MON2: variants seen among roughly 807,000 people sequenced by gnomAD.
MON2 encodes the protein MON2 regulator of endosome-to-Golgi trafficking, also known as protein MON2 homolog.
In MON2, 84 loss-of-function variants were observed where a neutral mutation model predicts 208.6. The ratio of observed to expected loss-of-function variants is 0.40; its 90% confidence interval spans 0.34 to 0.48. The LOEUF (loss-of-function observed/expected upper bound fraction) is 0.48, where lower values mean the gene tolerates loss of function less well. Among genes scored for constraint, MON2 ranks in the 20% least tolerant of loss-of-function variants. The probability of loss-of-function intolerance (pLI) is 0.59; values close to 1 mark genes in which losing one functional copy is unlikely to be tolerated. For missense variants in MON2, 1,611 were observed against 2,015.4 expected, an observed-to-expected ratio of 0.80 and a Z score of 3.84; for synonymous variants, 660 against 694.0, an observed-to-expected ratio of 0.95 and a Z score of 0.77.
intron 21 of MON2, chr12:62,545,678 A>G (rs1592356438): frequency 6.6e-6 from 1 of 152,256 alleles, no homozygotes; most frequent in East Asian, 1.9e-4. Flanking sequence ...TGAAGCAAGC[A>G]CAGAATGAGG....
intron 30 of MON2, among the ~76,000 whole-genome samples, chr12:62,573,264 A>G (rs548512799): frequency 1.8e-4 from 27 of 152,358 alleles, no homozygotes; most frequent in African/African-American, 6.0e-4. Context: ...CTTCGTAGAC[A>G]TAAGAGCCTG....
chr12:62,588,963 C>T (rs2075306821), intron 34 of MON2: 5 of 1,217,188 alleles, frequency 4.1e-6, no homozygotes, highest in Non-Finnish European at 5.6e-6. Context: ...TTTATGTGTA[C>T]TTGTCTCGAA....
chr12:62,560,367 A>G, intron 25 of MON2, 124 bp from the exon 26 acceptor site: 2 of 952,418 alleles, frequency 2.1e-6, no homozygotes, highest in Non-Finnish European at 1.6e-6. Flanking sequence ...ACCTAGTCAT[A>G]TATTTTCCAG....
intron 30 of MON2, among the ~76,000 whole-genome samples, chr12:62,576,809 C>T (rs1276912141): frequency 1.3e-5 from 2 of 151,696 alleles, no homozygotes; most frequent in African/African-American, 4.8e-5. Context: ...TCTCTTCCCT[C>T]ATCATATGAT....
Position 62,599,795 on chromosome 12 carries a change from C to A in MON2, c.*7046C>A, listed in dbSNP as rs1268562301. On this transcript the variant is annotated 3_prime_UTR_variant, in exon 35 of 35. Transcript: ENST00000393630. ...ACTTATAAAATAAACTAAAAATACTCTTGAGGCAATTACTATTTCTATGAT... is the reference window on the plus strand; with the variant it reads ...ACTTATAAAATAAACTAAAAATACTATTGAGGCAATTACTATTTCTATGAT... 1 of 152,096 alleles carries A rather than the reference C, an allele frequency of 6.6e-6. No individual in the cohort carries two copies. Among genetic ancestry groups the A allele is most frequent in the Non-Finnish European group, 1.5e-5 (1 of 68,002 alleles). 9.4% of individuals were successfully genotyped at this position (152,096 alleles called of 1,614,324 possible).
In MON2 at chr12:62,566,491, A is replaced by T. The variant is rs545962440; in HGVS notation, c.4323+41A>T. The T allele has an allele frequency of 1.6e-5, 25 of 1,549,496 alleles. No homozygotes were observed. The South Asian group carries it at 2.6e-4, about 16-fold the overall frequency. On this transcript the variant is annotated intron_variant, in intron 29 of 34. Coordinates refer to ENST00000393630, the MANE Select transcript of MON2 (RefSeq NM_015026.3). ...TTCTACACTTTCATTAGATGGTGTG[A>T]ACATTATTGAAATTATTCCTTAGGT...
In MON2 at chr12:62,493,962, T is replaced by C. The variant is rs1208204419; in HGVS notation, c.223T>C (p.Cys75Arg). 1 of 1,612,690 alleles carries C rather than the reference T, an allele frequency of 6.2e-7. No individual in the cohort carries two copies. Among genetic ancestry groups the C allele is most frequent in the African/African-American group, 1.3e-5 (1 of 75,022 alleles). The change falls in exon 3 of 35, where the codon TGT (cysteine) becomes CGT (arginine). Residue 75 changes from cysteine (C) to arginine (R), a missense_variant. Transcript: ENST00000393630. ...GGTTGTACAGCCTTTTTTAATGGGT[T>C]GTGGAACCAAGGAACCGAAGATCAC... Reference protein sequence around the residue: ...SEVVQPFLMGCGTKEPKITQL... With the variant: ...SEVVQPFLMGRGTKEPKITQL...
intron 8 of MON2, among the ~76,000 whole-genome samples, chr12:62,521,703 A>G (rs1257463213): frequency 6.6e-6 from 1 of 152,182 alleles, no homozygotes; most frequent in African/African-American, 2.4e-5. Flanking sequence ...CTCATTAGGT[A>G]TATTAGAATT....
chr12:62,496,456 T>C (rs1362995371), intron 4 of MON2, among the ~76,000 whole-genome samples: 2 of 152,190 alleles, frequency 1.3e-5, no homozygotes, highest in African/African-American at 2.4e-5. Flanking sequence ...AACTATGTAC[T>C]GTGTCTTTCC....
At chr12:62,490,820 A>G (rs528896564) in intron 2 of MON2, among the ~76,000 whole-genome samples, 1 of 152,302 alleles carries the variant, frequency 6.6e-6, no homozygotes, top group South Asian at 2.1e-4. Flanking sequence ...GAATTACATT[A>G]AAATAAATTT....
intron 8 of MON2, among the ~76,000 whole-genome samples, chr12:62,519,576 G>T (rs2071894593): frequency 6.6e-6 from 1 of 152,020 alleles, no homozygotes; most frequent in African/African-American, 2.4e-5. Context: ...ATGTTTTAAA[G>T]AAAAAATTAT....
intron 27 of MON2, 149 bp from the exon 28 acceptor site, chr12:62,565,865 C>A: frequency 1.5e-6 from 1 of 664,478 alleles, no homozygotes; most frequent in Non-Finnish European, 2.4e-6. Context: ...CAAATTTTAA[C>A]TTTGTTTAAG....
intron 4 of MON2, among the ~76,000 whole-genome samples, chr12:62,498,553 TTTTA>T (rs1384112723): frequency 1.4e-4 from 22 of 152,218 alleles, no homozygotes; most frequent in Non-Finnish European, 1.9e-4. Flanking sequence ...AGTTTCATAA[TTTTA>T]TTTATTTATG....
chr12:62,485,949 G>A (rs1313920502), intron 2 of MON2, among the ~76,000 whole-genome samples: 2 of 152,002 alleles, frequency 1.3e-5, no homozygotes, highest in Non-Finnish European at 2.9e-5. Context: ...GGGTTCTCCC[G>A]CCTCGGCCTC....
At chr12:62,529,123 G>A (rs191113352) in intron 11 of MON2, among the ~76,000 whole-genome samples, 159 of 152,126 alleles carry the variant, frequency 1.0e-3, no homozygotes, top group South Asian at 4.4e-3. Context: ...TTTCTGTTCC[G>A]GCGTTAGTTT....
chr12:62,521,211 G>A (rs1388937127), intron 8 of MON2, among the ~76,000 whole-genome samples: 1 of 152,024 alleles, frequency 6.6e-6, no homozygotes, highest in Admixed American at 6.6e-5. Context: ...GTTTCACTGT[G>A]TTGGCAAGGC....
At chr12:62,483,652 G>T (rs1311400776) in intron 1 of MON2, among the ~76,000 whole-genome samples, 1 of 152,176 alleles carries the variant, frequency 6.6e-6, no homozygotes, top group Non-Finnish European at 1.5e-5. Flanking sequence ...GGAGGCGGAG[G>T]TTGTAGTGAG....
rs537640622 is a variant in MON2, at chr12:62,561,758, G to A, written c.4032+645G>A. On this transcript the variant is annotated intron_variant, in intron 26 of 34. Transcript: ENST00000393630. Reference sequence around the variant, plus strand: ...TCAAAATGCTAAGCTTTAAAAAAATGCCAACTGAGTAGCCAGCCATTCCAA... The same window carrying A: ...TCAAAATGCTAAGCTTTAAAAAAATACCAACTGAGTAGCCAGCCATTCCAA... Among the ~76,000 whole-genome samples, 3 of 152,244 alleles carry A rather than the reference G, an allele frequency of 2.0e-5. No individual in the cohort carries two copies. In the South Asian group the frequency reaches 6.2e-4, roughly 32 times the overall value.
intron 1 of MON2, among the ~76,000 whole-genome samples, chr12:62,477,872 G>A (rs1290401449): frequency 6.6e-6 from 1 of 152,144 alleles, no homozygotes; most frequent in Non-Finnish European, 1.5e-5. Context: ...TCAAAATGGT[G>A]TCATATGAAA....
Sources: gnomAD v4.1 joint callset for allele counts (sites outside exome capture counted in the v4.1 genomes callset) on GRCh38, gnomAD v4.1.1 for gene constraint, MANE v1.5 for transcripts, NCBI Gene and HGNC (gene_info 2026-07-23, HGNC 2026-07-21) for gene names.